GUF1: variants seen among roughly 807,000 people sequenced by gnomAD.
GUF1 encodes the protein translation factor GUF1, mitochondrial.
Under a neutral mutation model 82.4 loss-of-function variants are expected in GUF1, and 78 were observed. The ratio of observed to expected loss-of-function variants is 0.95; its 90% CI spans 0.79 to 1.14. GUF1 has a LOEUF of 1.14. Among genes scored for constraint, GUF1 ranks in the 50% most tolerant of loss-of-function variants. GUF1 has a pLI of 0.00. For synonymous variants in GUF1, 279 were observed against 282.3 expected (o/e 0.99, Z 0.12); for missense variants, 814 against 798.2 (o/e 1.02, Z -0.24).
chr4:44,678,831 T>G, intron 1 of GUF1, 44 bp downstream of exon 1: 2 of 1,523,202 alleles, frequency 1.3e-6, no homozygotes, highest in Non-Finnish European at 1.7e-6. Flanking sequence ...TTTCAAACGT[T>G]GGAGTGCCCC....
At position 44,678,458 on chromosome 4, in the gene GUF1, CGGATCT is replaced by C. The variant is rs1452827515; in HGVS notation, c.-162_-157del. ...CTGCGCCGCCGCTTCGGGTTGCTTCCGGATCTGGTACTTGGGCAGAGCTCCCCGGGG... is the reference window on the plus strand; with the variant it reads ...CTGCGCCGCCGCTTCGGGTTGCTTCCGGTACTTGGGCAGAGCTCCCCGGGG... On this transcript the variant is annotated 5_prime_UTR_variant, in exon 1 of 17. Coordinates refer to ENST00000281543, the MANE Select transcript of GUF1 (RefSeq NM_021927.3). 1 of 539,412 alleles carries C rather than the reference CGGATCT, an allele frequency of 1.9e-6. No homozygotes were observed. Among genetic ancestry groups the C allele is most frequent in the Non-Finnish European group, 2.9e-6 (1 of 339,402 alleles). The allele number at this position is 539,412 out of a possible 1,614,324, so 33.4% of individuals were successfully genotyped here. A position where few individuals can be genotyped will look rare whatever the true frequency, so the allele number is the denominator to read the frequency against.
chr4:44,681,036 T>A, intron 3 of GUF1, 87 bp from the exon 4 acceptor site: 1 of 1,247,490 alleles, frequency 8.0e-7, no homozygotes, highest in Non-Finnish European at 1.2e-6. Flanking sequence ...TAACAGCTTT[T>A]ATCAAGTAAA....
chr4:44,695,238 A>C (rs554886886), intron 14 of GUF1, among the ~76,000 whole-genome samples: 1 of 152,370 alleles, frequency 6.6e-6, no homozygotes, highest in East Asian at 1.9e-4. Flanking sequence ...TAGTGACATA[A>C]AAATGTCTGT....
chr4:44,686,838 C>A, intron 8 of GUF1, 125 bp downstream of exon 8: 1 of 659,580 alleles, frequency 1.5e-6, no homozygotes, highest in Non-Finnish European at 2.7e-6. Context: ...TTTAATGCAA[C>A]TATACAGTAA....
intron 16 of GUF1, among the ~76,000 whole-genome samples, chr4:44,697,864 C>T (rs989647591): frequency 3.3e-5 from 5 of 152,034 alleles, no homozygotes; most frequent in African/African-American, 1.2e-4. Flanking sequence ...ATTATTCTTG[C>T]ACCAGCTCGG....
chr4:44,680,769 T>G lies in GUF1; in HGVS notation c.353T>G (p.Val118Gly). ...GTGGAACGAGAAAGAGGAATCACTG[T>G]TAAAGCACAGACAGCATCTCTCTTT... ...LQVERERGIT[V>G]KAQTASLFYN... The change falls in exon 3 of 17, where the codon GTT becomes GGT. Residue 118 changes from valine (V) to glycine (G), a missense_variant. Coordinates refer to ENST00000281543, the MANE Select transcript of GUF1 (RefSeq NM_021927.3). The G allele has an allele frequency of 1.2e-6, 2 of 1,612,338 alleles. No individual in the cohort carries two copies. The highest frequency in any genetic ancestry group is 1.7e-6 in the Non-Finnish European group (2 of 1,178,704).
intron 9 of GUF1, 130 bp downstream of exon 9, chr4:44,688,276 C>T (rs1439384885): frequency 2.2e-6 from 2 of 895,270 alleles, no homozygotes; most frequent in Non-Finnish European, 3.4e-6. Context: ...TATTGTTTCA[C>T]TTTGTGCTGT....
At position 44,690,723 on chromosome 4, in the gene GUF1, A is replaced by G. The variant is rs1403405904; in HGVS notation, c.1342A>G (p.Arg448Gly). Residue 448 changes from arginine (R) to glycine (G), a missense_variant, in exon 12 of 17, where the codon AGA becomes GGA. Arg to Gly is a moderately radical substitution (Grantham distance 125). Transcript: ENST00000281543. ...LSSSKLIKEH[R>G]EKEITIINPA... ...TGATTTTTCTAATTTTTAGGAACATAGAGAAAAAGAAATTACAATTATCAA... is the reference window on the plus strand; with the variant it reads ...TGATTTTTCTAATTTTTAGGAACATGGAGAAAAAGAAATTACAATTATCAA... 1.4e-5 allele frequency: 21 copies of G among 1,539,886 alleles called. No individual in the cohort carries two copies. Among genetic ancestry groups the G allele is most frequent in the Non-Finnish European group, 1.9e-5 (21 of 1,126,642 alleles).
intron 9 of GUF1, among the ~76,000 whole-genome samples, chr4:44,688,845 A>G (rs545981944): frequency 6.6e-6 from 1 of 152,074 alleles, no homozygotes; most frequent in African/African-American, 2.4e-5. Context: ...AAATTTAACT[A>G]TGGTTTTAAG....
In GUF1 at chr4:44,678,839, C is replaced by T. The variant is rs542257789; in HGVS notation, c.165+52C>T. 1.1e-3 allele frequency: 1,635 copies of T among 1,506,218 alleles called. 33 individuals carry two copies. In the South Asian group the frequency reaches 0.02, roughly 18 times the overall value. 93.3% of individuals were successfully genotyped at this position (1,506,218 alleles called of 1,614,324 possible). A position where few individuals can be genotyped will look rare whatever the true frequency, so the allele number is the denominator to read the frequency against. On this transcript the variant is annotated intron_variant, in intron 1 of 16. Transcript: ENST00000281543. ...GCCAAGTTTTCAAACGTTGGAGTGC[C>T]CCATGCGATCTTGGACATGTATAGG...
chr4:44,680,886 TG>T, intron 3 of GUF1, 44 bp downstream of exon 3: 1 of 1,504,468 alleles, frequency 6.6e-7, no homozygotes, highest in Non-Finnish European at 9.2e-7. Context: ...AAGTCAACAT[TG>T]TGTCAGTAGT....
At chr4:44,695,048 C>T (rs187398569) in intron 14 of GUF1, among the ~76,000 whole-genome samples, 34 of 152,108 alleles carry the variant, frequency 2.2e-4, no homozygotes, top group African/African-American at 7.0e-4. Flanking sequence ...CTCTGATCTG[C>T]CCGCCTCGGC....
At position 44,697,399 on chromosome 4, in the gene GUF1, C is replaced by A; in HGVS notation, c.1836-9C>A. 2 of 1,547,764 alleles carry A rather than the reference C, an allele frequency of 1.3e-6. No homozygotes were observed. The highest frequency in any genetic ancestry group is 1.8e-6 in the Non-Finnish European group (2 of 1,134,714). ...ATTATGTACTTAAACGAATTTTTCT[C>A]TTTTACAGTGTGAAAGCCTATAGGA... On this transcript the variant is annotated splice_polypyrimidine_tract_variant and intron_variant, in intron 15 of 16. Coordinates refer to ENST00000281543, the MANE Select transcript of GUF1 (RefSeq NM_021927.3).
rs1284635687 is a variant in GUF1, at chr4:44,700,694, T to C, written c.*2013T>C. 1 of 152,224 alleles carries C rather than the reference T, an allele frequency of 6.6e-6. No individual in the cohort carries two copies. Among genetic ancestry groups the C allele is most frequent in the Non-Finnish European group, 1.5e-5 (1 of 68,044 alleles). The allele number at this position is 152,224 out of a possible 1,614,324, so 9.4% of individuals were successfully genotyped here. A position where few individuals can be genotyped will look rare whatever the true frequency, so the allele number is the denominator to read the frequency against. ...TTTCTAAACTGACTTGAGAGCTGTC[T>C]CAGATATTTTGAGCTTACAGTTATT... is the stretch of plus-strand genomic sequence containing the variant. On this transcript the variant is annotated 3_prime_UTR_variant, in exon 17 of 17. Coordinates refer to ENST00000281543, the MANE Select transcript of GUF1 (RefSeq NM_021927.3).
intron 16 of GUF1, 133 bp from the exon 17 acceptor site, chr4:44,698,410 GA>G: frequency 1.6e-6 from 1 of 634,786 alleles, no homozygotes. Context: ...GATCTGCTAG[GA>G]AGATTAGAGA....
Position 44,697,420 on chromosome 4 carries a change from T to C in GUF1, c.1848T>C (p.Tyr616=), listed in dbSNP as rs1170457986. The C allele has an allele frequency of 1.9e-6, 3 of 1,562,840 alleles. No homozygotes were observed. Among genetic ancestry groups the C allele is most frequent in the Non-Finnish European group, 2.6e-6 (3 of 1,143,464 alleles). ...KIIARETVKA[Y]RKNVLAKCYG... ...TTCTCTTTTACAGTGTGAAAGCCTA[T>C]AGGAAAAACGTTTTGGCAAAATGTG... Residue 616 remains tyrosine, a synonymous_variant, in exon 16 of 17, where the codon TAT becomes TAC. Transcript: ENST00000281543.
At position 44,698,870 on chromosome 4, in the gene GUF1, T is replaced by C. The variant is rs1003833585; in HGVS notation, c.*189T>C. 1.3e-5 allele frequency: 7 copies of C among 549,048 alleles called. No homozygotes were observed. The highest frequency in any genetic ancestry group is 1.9e-5 in the Non-Finnish European group (6 of 312,182). 34.0% of individuals were successfully genotyped at this position (549,048 alleles called of 1,614,324 possible). A position where few individuals can be genotyped will look rare whatever the true frequency, so the allele number is the denominator to read the frequency against. On this transcript the variant is annotated 3_prime_UTR_variant, in exon 17 of 17. Coordinates refer to ENST00000281543, the MANE Select transcript of GUF1 (RefSeq NM_021927.3). ...AAGCCATGTTGCCTGTTCTCAAATA[T>C]CTGTTCCAACCACTCACTAGTAAGG...
chr4:44,697,553 C>A, intron 16 of GUF1, 109 bp downstream of exon 16: 1 of 531,496 alleles, frequency 1.9e-6, no homozygotes, highest in Non-Finnish European at 3.3e-6. Flanking sequence ...TTCTTTGTTT[C>A]CAAGTTCCCT....
chr4:44,683,215 A>G lies in GUF1; in HGVS notation c.586-20A>G, dbSNP rs1345054987. The G allele has an allele frequency of 7.0e-7, 1 of 1,436,944 alleles. No individual in the cohort carries two copies. Among genetic ancestry groups the G allele is most frequent in the Non-Finnish European group, 9.6e-7 (1 of 1,042,010 alleles). 89.0% of individuals were successfully genotyped at this position (1,436,944 alleles called of 1,614,324 possible). A position where few individuals can be genotyped will look rare whatever the true frequency, so the allele number is the denominator to read the frequency against. ...TCTTATCTTTATTATACTTCACATA[A>G]TGGATTTTTTTTTTTAAAGATAGAT... is the stretch of plus-strand genomic sequence containing the variant. On this transcript the variant is annotated intron_variant, in intron 5 of 16. Coordinates refer to ENST00000281543, the MANE Select transcript of GUF1 (RefSeq NM_021927.3).
Sources: allele counts gnomAD v4.1 joint callset (sites outside exome capture counted in the v4.1 genomes callset), GRCh38; gene constraint gnomAD v4.1.1; transcripts MANE v1.5; gene names NCBI Gene and HGNC (gene_info 2026-07-23, HGNC 2026-07-21).